Variants in TSPAN1 observed in about 807,000 individuals in gnomAD.
TSPAN1 encodes tetraspanin 1, also known as tetraspanin-1.
A neutral mutation model predicts 26.9 loss-of-function variants in TSPAN1; 23 were observed. The ratio of observed to expected loss-of-function variants is 0.85; its 90% CI spans 0.62 to 1.21. TSPAN1 has a LOEUF of 1.21. Ranked by LOEUF, TSPAN1 falls within the 50% of genes most tolerant of loss-of-function variation. The pLI, the probability that TSPAN1 is intolerant of heterozygous loss-of-function variation, is 0.00. For synonymous variants in TSPAN1, 115 were observed against 114.8 expected, an observed-to-expected ratio of 1.00 and a Z score of -0.01; for missense variants, 283 against 298.4, an observed-to-expected ratio of 0.95 and a Z score of 0.38.
intron 1 of TSPAN1, among the ~76,000 whole-genome samples, chr1:46,177,351 A>C (rs201535311): frequency 1.0e-3 from 148 of 147,778 alleles, no homozygotes; most frequent in East Asian, 3.0e-3. Flanking sequence ...AAAAAAAAAT[A>C]TATCTATCTA....
the TSPAN1 span, chr1:46,192,447 G>C: frequency 6.2e-7 from 1 of 1,614,144 alleles, no homozygotes; most frequent in Non-Finnish European, 8.5e-7. Context: ...CTGGGGACAG[G>C]GTGCCATAGT....
the TSPAN1 span, chr1:46,193,658 G>C: frequency 6.2e-7 from 1 of 1,614,030 alleles, no homozygotes; most frequent in Non-Finnish European, 8.5e-7. Context: ...CCCAGGGATA[G>C]GTTAGGGTCA....
chr1:46,179,807 A>G (rs1657267559), intron 1 of TSPAN1, among the ~76,000 whole-genome samples: 1 of 152,052 alleles, frequency 6.6e-6, no homozygotes, highest in East Asian at 1.9e-4. Flanking sequence ...GAAGGAGAGG[A>G]GATGGAAAGA....
downstream of TSPAN1, chr1:46,190,897 A>C: frequency 9.9e-7 from 1 of 1,010,372 alleles, no homozygotes; most frequent in Non-Finnish European, 1.6e-6. Context: ...ACCTGTAAAG[A>C]GCCCTCTAAT....
intron 1 of TSPAN1, among the ~76,000 whole-genome samples, chr1:46,180,035 ATAT>A (rs1657279621): frequency 6.6e-6 from 1 of 151,014 alleles, no homozygotes; most frequent in South Asian, 2.1e-4. Context: ...CGTACATCAG[ATAT>A]TATTCTGTTG....
At chr1:46,196,296 C>G in the TSPAN1 span, among the ~76,000 whole-genome samples, 1 of 152,234 alleles carries the variant, frequency 6.6e-6, no homozygotes, top group East Asian at 1.9e-4. The surrounding 1 kb of genome is among the most constrained non-coding windows in gnomAD (Gnocchi z 4.4). Flanking sequence ...CCCTCCCCTC[C>G]ATGACTTTCA....
chr1:46,180,814 G>A lies in TSPAN1; in HGVS notation c.-9+156G>A, dbSNP rs550583172. On this transcript the variant is annotated intron_variant, in intron 2 of 8. Coordinates refer to ENST00000372003, the MANE Select transcript of TSPAN1 (RefSeq NM_005727.4). Reference sequence around the variant, plus strand: ...CAGGTGCTAGGAAAGAGCATGGAGTGACCTGCAGTGTGGGAGTCAGGCTGG... The same window carrying A: ...CAGGTGCTAGGAAAGAGCATGGAGTAACCTGCAGTGTGGGAGTCAGGCTGG... Among the ~76,000 whole-genome samples the A allele has an allele frequency of 5.3e-5, 8 of 152,220 alleles. No homozygotes were observed. The South Asian group carries it at 8.3e-4, about 16-fold the overall frequency.
chr1:46,179,651 C>A (rs112899602), intron 1 of TSPAN1, among the ~76,000 whole-genome samples: 2 of 152,176 alleles, frequency 1.3e-5, no homozygotes, highest in East Asian at 3.9e-4. Context: ...GGCAGCCCCA[C>A]TAGGAGTAAC....
chr1:46,189,023 G>A (rs1657531094), downstream of TSPAN1: 1 of 1,578,072 alleles, frequency 6.3e-7, no homozygotes. Context: ...AGCTGCTAGG[G>A]ATCGTAATGA....
intron 6 of TSPAN1, 30 bp downstream of exon 6, chr1:46,184,913 GGAGA>G: frequency 1.2e-6 from 2 of 1,614,074 alleles, no homozygotes; most frequent in Non-Finnish European, 1.7e-6. Context: ...GTTTTAGGGT[GGAGA>G]GAAAGAAGCA....
At chr1:46,193,007 G>A in the TSPAN1 span, 7 of 1,609,954 alleles carry the variant, frequency 4.3e-6, no homozygotes, top group Middle Eastern at 1.6e-4. Flanking sequence ...TCTCCATCCT[G>A]TGATCTCCTT....
chr1:46,182,989 A>T (rs755261378), intron 3 of TSPAN1, among the ~76,000 whole-genome samples: 32 of 151,740 alleles, frequency 2.1e-4, no homozygotes, highest in Admixed American at 3.9e-4. Context: ...ATTAAAAAAA[A>T]TTTTTTTTGT....
chr1:46,175,899 G>A (rs1177508210), intron 1 of TSPAN1: 30 of 423,712 alleles, frequency 7.1e-5, no homozygotes, highest in Non-Finnish European at 8.3e-6. Flanking sequence ...TTGAGACAGA[G>A]TCTAGCTCTG....
chr1:46,193,733 C>G, the TSPAN1 span: 1 of 1,601,524 alleles, frequency 6.2e-7, no homozygotes, highest in East Asian at 2.2e-5. Flanking sequence ...CTATGCTTAC[C>G]CACAGAGGTG....
the TSPAN1 span, chr1:46,192,007 G>A: frequency 6.7e-7 from 1 of 1,485,682 alleles, no homozygotes; most frequent in East Asian, 2.4e-5. Flanking sequence ...TACATGGCTA[G>A]CAAGTAGCAG....
chr1:46,195,017 C>T, the TSPAN1 span: 1 of 1,525,082 alleles, frequency 6.6e-7, no homozygotes, highest in Non-Finnish European at 9.1e-7. Context: ...GAGACCTGGC[C>T]TCACAGAGCA....
chr1:46,187,088 G>A (rs974492815), downstream of TSPAN1, among the ~76,000 whole-genome samples: 12 of 152,306 alleles, frequency 7.9e-5, no homozygotes, highest in South Asian at 6.2e-4. Flanking sequence ...GATTACAGGC[G>A]TGAGCCACCT....
chr1:46,189,423 C>T, downstream of TSPAN1: 1 of 1,613,564 alleles, frequency 6.2e-7, no homozygotes, highest in Non-Finnish European at 8.5e-7. Context: ...TCTCACTAGG[C>T]CTCCTGTTTC....
intron 1 of TSPAN1, among the ~76,000 whole-genome samples, chr1:46,180,138 GCA>G: frequency 6.6e-6 from 1 of 152,348 alleles, no homozygotes; most frequent in Middle Eastern, 3.4e-3. Context: ...AGGAACACTA[GCA>G]CATGTTTATG....
Sources: allele counts gnomAD v4.1 joint callset (sites outside exome capture counted in the v4.1 genomes callset), GRCh38; gene constraint gnomAD v4.1.1; non-coding constraint Gnocchi (gnomAD v3.1); transcripts MANE v1.5; gene names NCBI Gene and HGNC (gene_info 2026-07-23, HGNC 2026-07-21).